Variants in IGSF11 observed in about 807,000 individuals in gnomAD.
IGSF11 encodes CXADR like 1.
IGSF11 carries 22 observed loss-of-function variants against 41.0 expected under a neutral mutation model. That is an observed-to-expected ratio of 0.54 (90% CI 0.38 to 0.77). The LOEUF (loss-of-function observed/expected upper bound fraction) is 0.77. IGSF11 is among the 30% of genes least tolerant of loss of function. IGSF11 has a pLI of 0.00. For missense variants in IGSF11, 444 were observed against 530.8 expected, an observed-to-expected ratio of 0.84 and a Z score of 1.61; for synonymous variants, 219 against 201.3, an observed-to-expected ratio of 1.09 and a Z score of -0.74.
At chr3:119,005,655 C>T (rs1424551046) in intron 1 of IGSF11, among the ~76,000 whole-genome samples, 2 of 110,346 alleles carry the variant, frequency 1.8e-5, no homozygotes, top group East Asian at 2.3e-4. Context: ...TTAGGGCAGG[C>T]CTGGTGGTGA....
chr3:118,924,349 A>C (rs1451493445), intron 4 of IGSF11, among the ~76,000 whole-genome samples: 1 of 152,038 alleles, frequency 6.6e-6, no homozygotes, highest in African/African-American at 2.4e-5. Flanking sequence ...TTATATTAAT[A>C]ATTTTAAACA....
chr3:118,901,373 C>A lies in IGSF11; in HGVS notation c.*1147G>T, dbSNP rs1938836586. On this transcript the variant is annotated 3_prime_UTR_variant, in exon 7 of 7. Coordinates refer to ENST00000393775, the MANE Select transcript of IGSF11 (RefSeq NM_001015887.3). The stretch of plus-strand genomic sequence containing the variant: ...TCCAGGAGCACACCAGAAGATAACA[C>A]CTTTAGTCTCAGTCTTACCTCTTTT... 1 of 152,170 alleles carries A rather than the reference C, an allele frequency of 6.6e-6. No individual in the cohort carries two copies. The highest frequency in any genetic ancestry group is 1.5e-5 in the Non-Finnish European group (1 of 68,036). 9.4% of individuals were successfully genotyped at this position (152,170 alleles called of 1,614,324 possible). A position where few individuals can be genotyped will look rare whatever the true frequency, so the allele number is the denominator to read the frequency against.
At chr3:119,072,473 T>A (rs2076415378) in intron 1 of IGSF11, among the ~76,000 whole-genome samples, 3 of 152,214 alleles carry the variant, frequency 2.0e-5, no homozygotes, top group African/African-American at 7.2e-5. Context: ...CCGCGGACCC[T>A]CGCGGTGAGT....
chr3:119,039,102 A>G (rs999339869), upstream of IGSF11, among the ~76,000 whole-genome samples: 10 of 152,120 alleles, frequency 6.6e-5, 1 homozygote, highest in African/African-American at 2.4e-4. Flanking sequence ...TTCCTGTATC[A>G]CTCAGGATGA....
intron 1 of IGSF11, among the ~76,000 whole-genome samples, chr3:118,980,294 T>C (rs1333185043): frequency 6.6e-6 from 1 of 152,122 alleles, no homozygotes; most frequent in Non-Finnish European, 1.5e-5. Flanking sequence ...CAACAGATGA[T>C]GAATAAAGGA....
At chr3:118,926,551 AAAG>A (rs1165610607) in intron 3 of IGSF11, among the ~76,000 whole-genome samples, 1 of 152,184 alleles carries the variant, frequency 6.6e-6, no homozygotes, top group Non-Finnish European at 1.5e-5. Context: ...TGCTTCCTCT[AAAG>A]AAGAATTCTT....
At chr3:118,955,598 CA>C (rs1944902446) in intron 1 of IGSF11, among the ~76,000 whole-genome samples, 1 of 152,084 alleles carries the variant, frequency 6.6e-6, no homozygotes, top group South Asian at 2.1e-4. Context: ...TGTCAATGAG[CA>C]TTAATATTTC....
intron 1 of IGSF11, among the ~76,000 whole-genome samples, chr3:119,053,717 T>A (rs758872408): frequency 6.6e-6 from 1 of 152,132 alleles, no homozygotes; most frequent in Non-Finnish European, 1.5e-5. Context: ...AAAGCAAGAC[T>A]AAGCAAAAAG....
intron 1 of IGSF11, among the ~76,000 whole-genome samples, chr3:118,977,642 C>T (rs756124961): frequency 6.6e-6 from 1 of 152,106 alleles, no homozygotes; most frequent in African/African-American, 2.4e-5. Context: ...TTGGAACTCC[C>T]CAGTGTGGAG....
chr3:119,130,000 T>C (rs2077457325), intron 1 of IGSF11, among the ~76,000 whole-genome samples: 1 of 152,102 alleles, frequency 6.6e-6, no homozygotes, highest in Non-Finnish European at 1.5e-5. Flanking sequence ...AAATTTTTTT[T>C]AATTAAAAAA....
intron 1 of IGSF11, among the ~76,000 whole-genome samples, chr3:118,966,769 T>C (rs765939438): frequency 1.3e-5 from 2 of 152,194 alleles, no homozygotes; most frequent in Admixed American, 1.3e-4. Flanking sequence ...TGAAAAACCA[T>C]TTGTCACTTC....
chr3:119,022,439 T>G (rs185617320), intron 1 of IGSF11, among the ~76,000 whole-genome samples: 1 of 152,358 alleles, frequency 6.6e-6, no homozygotes, highest in African/African-American at 2.4e-5. Context: ...ATATATATTT[T>G]ACCACAATTT....
At chr3:119,017,834 G>A (rs1394560963) in intron 1 of IGSF11, among the ~76,000 whole-genome samples, 3 of 142,872 alleles carry the variant, frequency 2.1e-5, no homozygotes, top group East Asian at 4.1e-4. Context: ...CCAGGCTGGA[G>A]TGCAATGGTG....
Position 119,105,158 on chromosome 3 carries a change from C to CAGTTCCACCAGAGCAAA in IGSF11, c.18_34dup (p.Cys12PhefsTer86). The CAGTTCCACCAGAGCAAA allele has an allele frequency of 6.2e-7, 1 of 1,608,374 alleles. No homozygotes were observed. The highest frequency in any genetic ancestry group is 8.5e-7 in the Non-Finnish European group (1 of 1,175,234). On this transcript the variant is annotated frameshift_variant, in exon 1 of 7. Coordinates refer to the IGSF11 transcript ENST00000354673. LOFTEE classifies it high-confidence loss of function. ...AAGTCACTAACCAGTTCTAGAAAAGCAGTTCCACCAGAGCAAAAGTTCCAC... is the reference window on the plus strand; with the variant it reads ...AAGTCACTAACCAGTTCTAGAAAAGCAGTTCCACCAGAGCAAAAGTTCCACCAGAGCAAAAGTTCCAC...
chr3:119,117,433 A>G (rs1399258882), intron 1 of IGSF11, among the ~76,000 whole-genome samples: 1 of 152,086 alleles, frequency 6.6e-6, no homozygotes, highest in Non-Finnish European at 1.5e-5. Flanking sequence ...GCAGGGAAAC[A>G]CCTCTTTTTA....
intron 1 of IGSF11, among the ~76,000 whole-genome samples, chr3:119,040,630 G>C (rs748224777): frequency 1.1e-4 from 17 of 152,182 alleles, no homozygotes; most frequent in Non-Finnish European, 1.9e-4. Flanking sequence ...TAATAATCTT[G>C]TTTGTTTATT....
intron 4 of IGSF11, among the ~76,000 whole-genome samples, chr3:118,913,968 G>C (rs1217231356): frequency 3.3e-5 from 5 of 152,128 alleles, no homozygotes; most frequent in Admixed American, 2.6e-4. Flanking sequence ...AGAAGAGAAA[G>C]AACTGATGAG....
chr3:118,923,198 A>G (rs1317004671), intron 4 of IGSF11, among the ~76,000 whole-genome samples: 2 of 152,104 alleles, frequency 1.3e-5, no homozygotes, highest in African/African-American at 4.8e-5. Context: ...TGCCTATTAA[A>G]TAATAAATCC....
chr3:118,948,991 A>G (rs1344386830), intron 1 of IGSF11, among the ~76,000 whole-genome samples: 1 of 150,924 alleles, frequency 6.6e-6, no homozygotes, highest in Admixed American at 6.6e-5. Context: ...AAAAAAAAGC[A>G]AGCAAACATT....
Sources: allele counts gnomAD v4.1 joint callset (sites outside exome capture counted in the v4.1 genomes callset), GRCh38; gene constraint gnomAD v4.1.1; transcripts MANE v1.5; gene names NCBI Gene and HGNC (gene_info 2026-07-23, HGNC 2026-07-21).